The following C13orf42 variants were observed in gnomAD, a reference collection of about 807,000 sequenced individuals.
C13orf42 encodes the protein chromosome 13 open reading frame 42, also known as uncharacterized protein C13orf42.
At chr13:51,122,790 T>C (rs1388214600) in intron 1 of C13orf42, among the ~76,000 whole-genome samples, 6 of 152,102 alleles carry the variant, frequency 3.9e-5, no homozygotes, top group Admixed American at 1.3e-4. Flanking sequence ...GGATCTCTAT[T>C]CTGATTATTT....
At chr13:51,163,563 G>C (rs570817443) in intron 1 of C13orf42, among the ~76,000 whole-genome samples, 2 of 152,242 alleles carry the variant, frequency 1.3e-5, no homozygotes, top group African/African-American at 4.8e-5. Context: ...TTTTCACTTA[G>C]CAAACTCCAC....
At chr13:51,104,264 A>G (rs1267818782) in intron 1 of C13orf42, among the ~76,000 whole-genome samples, 1 of 152,228 alleles carries the variant, frequency 6.6e-6, no homozygotes, top group Admixed American at 6.5e-5. Flanking sequence ...TATAAATGAT[A>G]ATTTGGAAAA....
chr13:51,166,250 T>C (rs1318726246), intron 1 of C13orf42, among the ~76,000 whole-genome samples: 1 of 151,452 alleles, frequency 6.6e-6, no homozygotes, highest in Non-Finnish European at 1.5e-5. Context: ...CACCATGGAA[T>C]ACTATGCAGC....
At chr13:51,143,119 C>A (rs1162905673) in intron 1 of C13orf42, among the ~76,000 whole-genome samples, 1 of 152,162 alleles carries the variant, frequency 6.6e-6, no homozygotes, top group Admixed American at 6.5e-5. Context: ...GAGCTTTTAA[C>A]TCCTGGGTCC....
chr13:51,136,549 T>C (rs1461377952), intron 1 of C13orf42, among the ~76,000 whole-genome samples: 1 of 152,220 alleles, frequency 6.6e-6, no homozygotes, highest in Admixed American at 6.5e-5. Context: ...GGAGGGGCTA[T>C]ATACTTCAGA....
intron 1 of C13orf42, among the ~76,000 whole-genome samples, chr13:51,149,799 T>C (rs1953765955): frequency 6.6e-6 from 1 of 152,216 alleles, no homozygotes; most frequent in African/African-American, 2.4e-5. Context: ...AGCACCTCTC[T>C]TGTCCCTTCC....
intron 1 of C13orf42, among the ~76,000 whole-genome samples, chr13:51,137,138 G>A (rs986134777): frequency 1.3e-5 from 2 of 152,184 alleles, no homozygotes; most frequent in African/African-American, 4.8e-5. Context: ...GAAAACTAAA[G>A]AGAGTGCATG....
chr13:51,096,925 C>T (rs1000853099), intron 1 of C13orf42, among the ~76,000 whole-genome samples: 14 of 152,186 alleles, frequency 9.2e-5, no homozygotes, highest in Non-Finnish European at 2.1e-4. Context: ...CTCATTTCCT[C>T]TATCTTTGCT....
chr13:51,091,602 C>T (rs1336040417), intron 1 of C13orf42, among the ~76,000 whole-genome samples: 1 of 152,148 alleles, frequency 6.6e-6, no homozygotes, highest in African/African-American at 2.4e-5. Flanking sequence ...TTGTTAGACT[C>T]TCCTGGGGTG....
rs115678851 is a variant in C13orf42 at position 51,168,138 on chromosome 13, A to T, written n.136+4115T>A. On this transcript the variant is annotated intron_variant and non_coding_transcript_variant, in intron 1 of 4. Transcript: ENST00000433280. ...TTGTTGACCACCTACTATGTACCAG[A>T]TGCTCCAACAGACACCTTATAAGCA... Among the ~76,000 whole-genome samples the T allele has an allele frequency of 2.1e-3, 326 of 152,340 alleles. 5 individuals carry two copies. Among genetic ancestry groups the T allele is most frequent in the African/African-American group, 7.7e-3 (321 of 41,570 alleles).
intron 1 of C13orf42, among the ~76,000 whole-genome samples, chr13:51,102,752 G>T (rs1953307235): frequency 6.6e-6 from 1 of 152,144 alleles, no homozygotes; most frequent in Admixed American, 6.5e-5. Flanking sequence ...ACCTGAGACT[G>T]GGTAATTTAT....
intron 2 of C13orf42, among the ~76,000 whole-genome samples, chr13:51,086,333 A>C (rs1309419854): frequency 6.6e-6 from 1 of 151,738 alleles, no homozygotes; most frequent in Non-Finnish European, 1.5e-5. Context: ...AAAACAAAAA[A>C]AAAAACAAGA....
At chr13:51,153,962 G>T (rs1040901086) in intron 1 of C13orf42, among the ~76,000 whole-genome samples, 1 of 151,876 alleles carries the variant, frequency 6.6e-6, no homozygotes. Flanking sequence ...TTTTCTTCTT[G>T]CAAAACTAAA....
At chr13:51,128,281 G>A (rs1409938315) in intron 1 of C13orf42, among the ~76,000 whole-genome samples, 1 of 152,182 alleles carries the variant, frequency 6.6e-6, no homozygotes, top group African/African-American at 2.4e-5. Context: ...TCTATGACTT[G>A]CCCTGAATTC....
rs1953904164 is a variant in C13orf42, at chr13:51,166,625, G to T, written n.136+5628C>A. ...AAAAAGCCAGGAAGTAGAGGACCTG[G>T]AATTTGAATAAAACACTGTTCTTTC... On this transcript the variant is annotated intron_variant and non_coding_transcript_variant, in intron 1 of 4. Transcript: ENST00000433280. Among the ~76,000 whole-genome samples the T allele has an allele frequency of 2.0e-5, 3 of 150,786 alleles. No homozygotes were observed. The South Asian group carries it at 6.3e-4, about 32-fold the overall frequency.
intron 1 of C13orf42, 23 bp downstream of exon 1, chr13:51,110,773 T>C (rs1953419090): frequency 2.5e-6 from 1 of 398,452 alleles, no homozygotes; most frequent in Admixed American, 4.4e-5. Flanking sequence ...CTCATCTAAA[T>C]TGTACTGCTC....
At chr13:51,087,735 A>G (rs979918517) in intron 2 of C13orf42, among the ~76,000 whole-genome samples, 193 bp downstream of exon 2, 2 of 152,212 alleles carry the variant, frequency 1.3e-5, no homozygotes, top group African/African-American at 4.8e-5. Context: ...AAACTGAAGT[A>G]AGAGATCCCC....
At chr13:51,098,475 C>T (rs1953257712) in intron 1 of C13orf42, among the ~76,000 whole-genome samples, 1 of 152,080 alleles carries the variant, frequency 6.6e-6, no homozygotes. Context: ...GACCCAGGCA[C>T]ATCTTTTCTA....
At chr13:51,097,330 T>C (rs577415647) in intron 1 of C13orf42, among the ~76,000 whole-genome samples, 1 of 152,354 alleles carries the variant, frequency 6.6e-6, no homozygotes, top group African/African-American at 2.4e-5. Context: ...GAGGGAATGG[T>C]GAGCATCAAG....
Sources: allele counts gnomAD v4.1 joint callset (sites outside exome capture counted in the v4.1 genomes callset), GRCh38; gene constraint gnomAD v4.1.1; transcripts MANE v1.5; gene names NCBI Gene and HGNC (gene_info 2026-07-23, HGNC 2026-07-21).